The following YTHDF2 variants were observed in gnomAD, a reference collection of about 807,000 sequenced individuals.
YTHDF2 encodes the protein YTH domain-containing family protein 2.
Under a neutral mutation model 50.4 loss-of-function variants are expected in YTHDF2, and 2 were observed. That is an observed-to-expected ratio of 0.04 (90% confidence interval 0.02 to 0.12). YTHDF2 has a LOEUF of 0.12. Among genes scored for constraint, YTHDF2 ranks in the 10% least tolerant of loss-of-function variants. YTHDF2 has a pLI of 1.00. For missense variants in YTHDF2, 483 were observed against 722.6 expected (o/e 0.67, Z 3.80); for synonymous variants, 217 against 255.6 (o/e 0.85, Z 1.44).
rs769397365 is a variant in YTHDF2 at position 28,737,700 on chromosome 1, G to A, written c.52+18G>A. Reference sequence around the variant, plus strand: ...AAACAAAGGTAAGTCCCGCTCCGCCGGTGGCCCTGAGCCGGGAGGGGGACG... The same window carrying A: ...AAACAAAGGTAAGTCCCGCTCCGCCAGTGGCCCTGAGCCGGGAGGGGGACG... On this transcript the variant is annotated intron_variant, in intron 2 of 4. Transcript: ENST00000373812. 2.9e-5 allele frequency: 47 copies of A among 1,613,356 alleles called. No individual in the cohort carries two copies. The East Asian group carries it at 1.0e-3, about 34-fold the overall frequency.
At chr1:28,752,314 T>G (rs113283507) in intron 4 of YTHDF2, among the ~76,000 whole-genome samples, 1 of 128,134 alleles carries the variant, frequency 7.8e-6, no homozygotes, top group South Asian at 2.3e-4. Flanking sequence ...TGTTGTTGTT[T>G]TTGAGACGGA....
chr1:28,756,288 G>A (rs2088034320), intron 4 of YTHDF2, among the ~76,000 whole-genome samples: 1 of 152,114 alleles, frequency 6.6e-6, no homozygotes, highest in African/African-American at 2.4e-5. Context: ...ATTGATCCAG[G>A]GAGGACTGCT....
Position 28,749,985 on chromosome 1 carries a change from T to G in YTHDF2, c.1716+5999T>G, listed in dbSNP as rs574904371. On this transcript the variant is annotated intron_variant, in intron 4 of 4. Transcript: ENST00000373812. ...TATTGAAATTTTTGAAAAAAAAGGT[T>G]GTTTTTTTTTTTTTTTTTTTTTGAG... 3.5e-4 allele frequency among the ~76,000 whole-genome samples: 33 copies of G among 95,502 alleles called. 1 individual carries two copies. Among genetic ancestry groups the G allele is most frequent in the African/African-American group, 1.1e-3 (28 of 26,420 alleles). 62.7% of individuals were successfully genotyped at this position (95,502 alleles called of 152,430 possible). A position where few individuals can be genotyped will look rare whatever the true frequency, so the allele number is the denominator to read the frequency against.
At chr1:28,745,076 A>G (rs2087838349) in intron 4 of YTHDF2, among the ~76,000 whole-genome samples, 1 of 152,208 alleles carries the variant, frequency 6.6e-6, no homozygotes, top group South Asian at 2.1e-4. Flanking sequence ...TTAATCTCAA[A>G]TATAAAATAA....
At chr1:28,737,230 GGCCGA>G (rs777703652) in intron 1 of YTHDF2, 83 bp downstream of exon 1, 4 of 1,475,348 alleles carry the variant, frequency 2.7e-6, no homozygotes, top group African/African-American at 1.5e-5. Flanking sequence ...CTCCTGGGCA[GGCCGA>G]GCCGAGCCGA....
intron 3 of YTHDF2, chr1:28,740,187 G>T (rs2087754459): frequency 6.6e-6 from 1 of 152,176 alleles, no homozygotes; most frequent in Non-Finnish European, 1.5e-5. Context: ...CTATTAATAG[G>T]TTCCTGCTAT....
At chr1:28,763,860 A>C in intron 4 of YTHDF2, among the ~76,000 whole-genome samples, 1 of 123,536 alleles carries the variant, frequency 8.1e-6, no homozygotes, top group South Asian at 2.3e-4. Flanking sequence ...TTTTTCAAAG[A>C]ACCAACTTTT....
At chr1:28,758,510 A>G (rs2088067118) in intron 4 of YTHDF2, among the ~76,000 whole-genome samples, 2 of 152,204 alleles carry the variant, frequency 1.3e-5, no homozygotes, top group African/African-American at 2.4e-5. Flanking sequence ...TCCCATCACA[A>G]GTCTCAAAAT....
intron 2 of YTHDF2, 138 bp from the exon 3 acceptor site, chr1:28,738,121 T>C: frequency 3.0e-6 from 2 of 664,420 alleles, no homozygotes; most frequent in Admixed American, 5.6e-5. Flanking sequence ...GCATTCACTG[T>C]CATCTCTTAC....
intron 4 of YTHDF2, among the ~76,000 whole-genome samples, chr1:28,768,496 T>A (rs2088254212): frequency 6.6e-6 from 1 of 151,948 alleles, no homozygotes; most frequent in African/African-American, 2.4e-5. Flanking sequence ...GAAAAGGAAA[T>A]TGAGGACTTA....
intron 4 of YTHDF2, among the ~76,000 whole-genome samples, chr1:28,767,751 G>T (rs1226592135): frequency 6.7e-6 from 1 of 148,410 alleles, no homozygotes; most frequent in Non-Finnish European, 1.5e-5. Flanking sequence ...CTCGTGATCC[G>T]CCCGCCTCGG....
At chr1:28,746,904 A>T in intron 4 of YTHDF2, among the ~76,000 whole-genome samples, 1 of 151,874 alleles carries the variant, frequency 6.6e-6, no homozygotes, top group East Asian at 1.9e-4. Flanking sequence ...CAACATGGAG[A>T]AACCCTGTCT....
intron 4 of YTHDF2, among the ~76,000 whole-genome samples, chr1:28,761,556 G>T (rs2088131087): frequency 6.6e-6 from 1 of 152,170 alleles, no homozygotes; most frequent in African/African-American, 2.4e-5. Context: ...TGACCAACAT[G>T]GAGAAACCCC....
intron 3 of YTHDF2, among the ~76,000 whole-genome samples, chr1:28,738,755 A>G (rs935016251): frequency 6.6e-6 from 1 of 152,116 alleles, no homozygotes; most frequent in Non-Finnish European, 1.5e-5. Context: ...TCACTTTCTT[A>G]ATACCTGTAT....
In YTHDF2 at chr1:28,737,492, G is replaced by C. The variant is rs543030035; in HGVS notation, c.28-166G>C. The C allele has an allele frequency of 1.3e-4, 122 of 954,636 alleles. No homozygotes were observed. The African/African-American group carries it at 1.8e-3, about 14-fold the overall frequency. 59.1% of individuals were successfully genotyped at this position (954,636 alleles called of 1,614,324 possible). ...TTCTCCCCTGCCCCACGGGCCTGGCGCTTTCCCCCGCCTCCCATTTTCAGC... is the reference window on the plus strand; with the variant it reads ...TTCTCCCCTGCCCCACGGGCCTGGCCCTTTCCCCCGCCTCCCATTTTCAGC... On this transcript the variant is annotated intron_variant, in intron 1 of 4. Transcript: ENST00000373812.
upstream of YTHDF2, chr1:28,736,903 C>T (rs901507458): frequency 1.8e-6 from 1 of 549,942 alleles, no homozygotes; most frequent in Non-Finnish European, 3.1e-6. Context: ...CGGGCGCGCG[C>T]GTAAAAGCAT....
chr1:28,750,993 T>C (rs1489680416), intron 4 of YTHDF2, among the ~76,000 whole-genome samples: 1 of 147,062 alleles, frequency 6.8e-6, no homozygotes, highest in Non-Finnish European at 1.5e-5. Context: ...GTTAGGAGGC[T>C]GAGGTATAAG....
chr1:28,749,638 A>C (rs1203895459), intron 4 of YTHDF2, among the ~76,000 whole-genome samples: 1 of 152,190 alleles, frequency 6.6e-6, no homozygotes, highest in Non-Finnish European at 1.5e-5. Flanking sequence ...TGAGGGAAGT[A>C]GTCAAGAATA....
chr1:28,767,300 G>A (rs557775960), intron 4 of YTHDF2, among the ~76,000 whole-genome samples: 1 of 152,178 alleles, frequency 6.6e-6, no homozygotes, highest in Admixed American at 6.5e-5. Flanking sequence ...GCATGATGCT[G>A]TTTTGAATTT....
Sources: gnomAD v4.1 joint callset for allele counts (sites outside exome capture counted in the v4.1 genomes callset) on GRCh38, gnomAD v4.1.1 for gene constraint, MANE v1.5 for transcripts, NCBI Gene and HGNC (gene_info 2026-07-23, HGNC 2026-07-21) for gene names.